CNOT2: variants seen among roughly 807,000 people sequenced by gnomAD.
The protein encoded by CNOT2 is CC chemokine receptor 4-negative regulator of transcription 2.
A neutral mutation model predicts 72.1 loss-of-function variants in CNOT2; 7 were observed. The ratio of observed to expected loss-of-function variants is 0.10; its 90% CI spans 0.06 to 0.18. CNOT2 has a LOEUF of 0.18. CNOT2 is among the 10% of genes least tolerant of loss of function. CNOT2 has a pLI of 1.00. For synonymous variants in CNOT2, 196 were observed against 225.6 expected, an observed-to-expected ratio of 0.87 and a Z score of 1.17; for missense variants, 345 against 660.3, an observed-to-expected ratio of 0.52 and a Z score of 5.23.
At chr12:70,314,326 C>G (rs1464124891) in intron 3 of CNOT2, among the ~76,000 whole-genome samples, 6 of 151,872 alleles carry the variant, frequency 4.0e-5, no homozygotes, top group South Asian at 2.1e-4. Context: ...CTTAGGACAT[C>G]AGTCTCTGTG....
At chr12:70,337,290 AC>A (rs1880835249) in intron 8 of CNOT2, 98 bp from the exon 9 acceptor site, 2 of 963,018 alleles carry the variant, frequency 2.1e-6, no homozygotes, top group East Asian at 2.6e-5. Context: ...AAAAAAAGAA[AC>A]CTTTTGGTGT....
intron 1 of CNOT2, among the ~76,000 whole-genome samples, chr12:70,275,044 G>A (rs771829418): frequency 6.6e-6 from 1 of 151,936 alleles, no homozygotes; most frequent in East Asian, 1.9e-4. Context: ...TGAGTTGTAT[G>A]GTAAGCTTGT....
At chr12:70,318,334 A>G (rs1455377277) in intron 3 of CNOT2, among the ~76,000 whole-genome samples, 5 of 151,832 alleles carry the variant, frequency 3.3e-5, no homozygotes, top group African/African-American at 9.7e-5. Context: ...TTATCCTATC[A>G]CCACTGTTTA....
chr12:70,318,749 A>G (rs1272092892), intron 3 of CNOT2, among the ~76,000 whole-genome samples: 3 of 151,902 alleles, frequency 2.0e-5, no homozygotes. Context: ...GTTGTCTAAT[A>G]TAAGACAGGA....
At chr12:70,275,801 TA>T (rs1462528289) in intron 1 of CNOT2, among the ~76,000 whole-genome samples, 24 of 152,266 alleles carry the variant, frequency 1.6e-4, no homozygotes, top group Middle Eastern at 3.4e-3. Context: ...CTCTTTGACG[TA>T]TTGTACATCC....
intron 11 of CNOT2, among the ~76,000 whole-genome samples, chr12:70,340,193 T>G (rs967749619): frequency 6.6e-6 from 1 of 152,180 alleles, no homozygotes; most frequent in African/African-American, 2.4e-5. Flanking sequence ...TTTATCAAGG[T>G]CACCAAATGA....
chr12:70,344,563 A>G (rs1881923799), intron 14 of CNOT2: 1 of 198,420 alleles, frequency 5.0e-6, no homozygotes, highest in Non-Finnish European at 1.0e-5. Context: ...TCTACAAAAA[A>G]TAAAGGAAAA....
intron 2 of CNOT2, chr12:70,301,909 T>C (rs916760031): frequency 1.3e-5 from 2 of 152,182 alleles, no homozygotes; most frequent in African/African-American, 4.8e-5. Flanking sequence ...CTGTTATTGG[T>C]CTATTCAGAG....
At chr12:70,347,593 A>G (rs1882346331) in intron 15 of CNOT2, 1 of 151,982 alleles carries the variant, frequency 6.6e-6, no homozygotes, top group South Asian at 2.1e-4. Context: ...AGATCGCGCC[A>G]CTGCACTCCA....
intron 1 of CNOT2, among the ~76,000 whole-genome samples, chr12:70,263,602 G>A (rs967073721): frequency 4.6e-5 from 7 of 151,550 alleles, no homozygotes; most frequent in African/African-American, 1.7e-4. Flanking sequence ...TTTCCTTTAC[G>A]TCTTTGATCA....
chr12:70,300,007 G>A (rs1297268458), intron 2 of CNOT2, among the ~76,000 whole-genome samples: 1 of 152,144 alleles, frequency 6.6e-6, no homozygotes, highest in African/African-American at 2.4e-5. Flanking sequence ...TGTTTTTTTG[G>A]CTGCATAAAT....
At chr12:70,329,346 A>G (rs1879582233) in intron 4 of CNOT2, 77 bp from the exon 5 acceptor site, 1 of 1,199,960 alleles carries the variant, frequency 8.3e-7, no homozygotes, top group South Asian at 1.2e-5. Context: ...AGTGTCTTAA[A>G]TCGCCAACTC....
chr12:70,351,183 A>T (rs1882818304), intron 15 of CNOT2, among the ~76,000 whole-genome samples: 1 of 152,188 alleles, frequency 6.6e-6, no homozygotes, highest in Non-Finnish European at 1.5e-5. Context: ...TATTAGAAAA[A>T]TTAAATGTTT....
chr12:70,304,422 C>A (rs1021758716), intron 2 of CNOT2, among the ~76,000 whole-genome samples: 3 of 152,170 alleles, frequency 2.0e-5, no homozygotes, highest in Non-Finnish European at 4.4e-5. Context: ...CTTCTAACAG[C>A]CAGGACCCTC....
At chr12:70,327,557 A>T (rs1234620021) in intron 4 of CNOT2, 1 of 151,736 alleles carries the variant, frequency 6.6e-6, no homozygotes, top group Non-Finnish European at 1.5e-5. Flanking sequence ...AAATGGGAAC[A>T]TTGAACTAGG....
intron 2 of CNOT2, chr12:70,307,593 T>TTTTTTTTTTTTTTTTTTTTTG (rs1316302401): frequency 6.6e-6 from 1 of 152,246 alleles, no homozygotes; most frequent in Non-Finnish European, 1.5e-5. Context: ...ATTAACTTTT[T>TTTTTTTTTTTTTTTTTTTTTG]AACATACGTT....
intron 4 of CNOT2, among the ~76,000 whole-genome samples, chr12:70,326,876 A>G (rs1275466563): frequency 6.6e-6 from 1 of 151,854 alleles, no homozygotes; most frequent in Non-Finnish European, 1.5e-5. Context: ...TAAACACTGA[A>G]AGTAAGTTAC....
chr12:70,243,683 G>A (rs888151419), intron 1 of CNOT2: 5 of 151,404 alleles, frequency 3.3e-5, no homozygotes, highest in Admixed American at 2.6e-4. Flanking sequence ...GGCGGGGAGG[G>A]GGGTGGCGGC....
At chr12:70,257,043 T>TA (rs1208750835) in intron 1 of CNOT2, among the ~76,000 whole-genome samples, 1 of 151,824 alleles carries the variant, frequency 6.6e-6, no homozygotes, top group Non-Finnish European at 1.5e-5. Flanking sequence ...ATTTTTTTTT[T>TA]ACTTTTATAA....
Sources: gnomAD v4.1 joint callset for allele counts (sites outside exome capture counted in the v4.1 genomes callset) on GRCh38, gnomAD v4.1.1 for gene constraint, MANE v1.5 for transcripts, NCBI Gene and HGNC (gene_info 2026-07-23, HGNC 2026-07-21) for gene names.